Variants in NIBAN1 observed in about 807,000 individuals in gnomAD.
NIBAN1 encodes the protein niban apoptosis regulator 1, also known as protein Niban 1.
NIBAN1 carries 81 observed loss-of-function variants against 75.1 expected under a neutral mutation model. The observed-to-expected ratio is 1.08, with a 90% CI of 0.90 to 1.30. The LOEUF (loss-of-function observed/expected upper bound fraction) is 1.30. Ranked by LOEUF, NIBAN1 falls within the 50% of genes most tolerant of loss-of-function variation. The probability of loss-of-function intolerance (pLI) is 0.00; values close to 1 mark genes in which losing one functional copy is unlikely to be tolerated. For missense variants in NIBAN1, 1,133 were observed against 1,128.1 expected, an observed-to-expected ratio of 1.00 and a Z score of -0.06; for synonymous variants, 436 against 424.8, an observed-to-expected ratio of 1.03 and a Z score of -0.32.
chr1:184,881,386 C>T (rs1048005552), intron 5 of NIBAN1, among the ~76,000 whole-genome samples: 1 of 152,170 alleles, frequency 6.6e-6, no homozygotes, highest in Non-Finnish European at 1.5e-5. Context: ...TCAGACCCAA[C>T]ACTTCTGGCG....
intron 6 of NIBAN1, among the ~76,000 whole-genome samples, chr1:184,830,893 G>C (rs375691111): frequency 2.0e-5 from 3 of 151,784 alleles, no homozygotes; most frequent in African/African-American, 7.3e-5. Flanking sequence ...CCAGCTACTC[G>C]GGAGGCTGAG....
intron 1 of NIBAN1, among the ~76,000 whole-genome samples, chr1:184,915,026 A>T (rs1657347124): frequency 6.6e-6 from 1 of 152,164 alleles, no homozygotes; most frequent in Non-Finnish European, 1.5e-5. Context: ...CCAGCCCATT[A>T]ACTTTCATTT....
intron 11 of NIBAN1, among the ~76,000 whole-genome samples, chr1:184,804,920 C>T (rs1453733792): frequency 2.0e-5 from 3 of 152,014 alleles, no homozygotes; most frequent in Non-Finnish European, 4.4e-5. Flanking sequence ...TCCCGAGTAG[C>T]TAGGACTACA....
At chr1:184,870,058 T>C in intron 5 of NIBAN1, among the ~76,000 whole-genome samples, 1 of 152,332 alleles carries the variant, frequency 6.6e-6, no homozygotes, top group East Asian at 1.9e-4. Context: ...CTGGGCTCCT[T>C]TCCTCAGAGA....
intron 5 of NIBAN1, among the ~76,000 whole-genome samples, chr1:184,837,825 T>G (rs549846384): frequency 6.6e-6 from 1 of 152,240 alleles, no homozygotes; most frequent in Admixed American, 6.5e-5. Flanking sequence ...TTCTTCCATA[T>G]GGTAACCCGA....
intron 1 of NIBAN1, among the ~76,000 whole-genome samples, chr1:184,905,327 G>T (rs1001712198): frequency 6.6e-6 from 1 of 152,128 alleles, no homozygotes. Flanking sequence ...AAAGTCATAA[G>T]GGTCACACCT....
At chr1:184,885,780 G>A (rs1368633172) in intron 4 of NIBAN1, among the ~76,000 whole-genome samples, 1 of 152,188 alleles carries the variant, frequency 6.6e-6, no homozygotes, top group Non-Finnish European at 1.5e-5. Flanking sequence ...CCAGCCTATG[G>A]CTGCTTCTTT....
At chr1:184,864,317 T>G (rs183925279) in intron 5 of NIBAN1, among the ~76,000 whole-genome samples, 3 of 149,026 alleles carry the variant, frequency 2.0e-5, no homozygotes, top group Admixed American at 6.7e-5. Flanking sequence ...TCATTATAAT[T>G]GGCAATCATA....
At chr1:184,827,023 T>G (rs1557879116) in intron 6 of NIBAN1, among the ~76,000 whole-genome samples, 1 of 152,148 alleles carries the variant, frequency 6.6e-6, no homozygotes, top group African/African-American at 2.4e-5. Context: ...TCTCACCAGA[T>G]CTGATGATTT....
At chr1:184,835,805 T>G (rs1293789527) in intron 5 of NIBAN1, among the ~76,000 whole-genome samples, 1 of 152,248 alleles carries the variant, frequency 6.6e-6, no homozygotes, top group African/African-American at 2.4e-5. Flanking sequence ...ACAATTTGAC[T>G]TCCTCTTTTC....
chr1:184,913,312 T>C (rs1657299029), intron 1 of NIBAN1, among the ~76,000 whole-genome samples: 1 of 152,010 alleles, frequency 6.6e-6, no homozygotes, highest in East Asian at 1.9e-4. Context: ...CTGCCACCAT[T>C]ATCATAGGAG....
intron 1 of NIBAN1, among the ~76,000 whole-genome samples, chr1:184,967,815 A>G (rs1281891910): frequency 2.0e-5 from 3 of 152,208 alleles, no homozygotes; most frequent in Non-Finnish European, 4.4e-5. Context: ...AGAAGCCACA[A>G]GAGGGAAAGT....
chr1:184,887,496 G>A (rs1656557644), intron 4 of NIBAN1, among the ~76,000 whole-genome samples: 1 of 152,130 alleles, frequency 6.6e-6, no homozygotes, highest in African/African-American at 2.4e-5. Context: ...TAAGATATAA[G>A]CTGAAGTGGC....
chr1:184,869,837 C>T (rs1435088183), intron 5 of NIBAN1, among the ~76,000 whole-genome samples: 2 of 152,174 alleles, frequency 1.3e-5, no homozygotes, highest in African/African-American at 4.8e-5. Flanking sequence ...CCACTGCGCT[C>T]GGCCCACCAT....
At chr1:184,967,645 T>C (rs1658831123) in intron 1 of NIBAN1, among the ~76,000 whole-genome samples, 1 of 152,228 alleles carries the variant, frequency 6.6e-6, no homozygotes, top group South Asian at 2.1e-4. Context: ...CAGTAAAAGA[T>C]AATAAAAATT....
At chr1:184,937,018 C>A (rs1359010950) in intron 1 of NIBAN1, among the ~76,000 whole-genome samples, 1 of 152,122 alleles carries the variant, frequency 6.6e-6, no homozygotes, top group Non-Finnish European at 1.5e-5. Flanking sequence ...TCCTCCTATG[C>A]TCCTTTCTTC....
intron 5 of NIBAN1, among the ~76,000 whole-genome samples, chr1:184,839,461 A>G (rs994563122): frequency 6.6e-6 from 1 of 152,266 alleles, no homozygotes; most frequent in African/African-American, 2.4e-5. Flanking sequence ...TTGCAACCCT[A>G]TAGTACGATA....
intron 5 of NIBAN1, among the ~76,000 whole-genome samples, chr1:184,876,127 C>T (rs1031658019): frequency 1.3e-5 from 2 of 149,652 alleles, no homozygotes; most frequent in Non-Finnish European, 3.0e-5. Flanking sequence ...GAGCCAAGAT[C>T]GCGCCATTGC....
In NIBAN1 at chr1:184,823,627, C is replaced by T. The variant is rs769823757; in HGVS notation, c.822+11G>A. On this transcript the variant is annotated intron_variant, in intron 7 of 13. Transcript: ENST00000367511. ...TGAGTAGCTCAGTTGTAGAGCAAAA[C>T]CATTGCTTACACCAAGCCACGTCCT... 4.3e-6 allele frequency: 7 copies of T among 1,613,128 alleles called. No homozygotes were observed. Among genetic ancestry groups the T allele is most frequent in the Non-Finnish European group, 5.9e-6 (7 of 1,179,140 alleles).
Sources: allele counts gnomAD v4.1 joint callset (sites outside exome capture counted in the v4.1 genomes callset), GRCh38; gene constraint gnomAD v4.1.1; transcripts MANE v1.5; gene names NCBI Gene and HGNC (gene_info 2026-07-23, HGNC 2026-07-21).